PKNOX1: variants seen among roughly 807,000 people sequenced by gnomAD.
PKNOX1 encodes homeobox protein PKNOX1.
In PKNOX1, 15 loss-of-function variants were observed where a neutral mutation model predicts 51.9. That is an observed-to-expected ratio of 0.29 (90% CI 0.19 to 0.45). The LOEUF is 0.45. Ranked by LOEUF, PKNOX1 falls within the 20% of genes least tolerant of loss-of-function variation. The pLI is 1.00. For missense variants in PKNOX1, 462 were observed against 547.5 expected, an observed-to-expected ratio of 0.84 and a Z score of 1.56; for synonymous variants, 219 against 211.1, an observed-to-expected ratio of 1.04 and a Z score of -0.32.
Position 43,029,925 on chromosome 21 carries a change from A to T in PKNOX1, c.1135A>T (p.Asn379Tyr). 1 of 1,614,194 alleles carries T rather than the reference A, an allele frequency of 6.2e-7. No individual in the cohort carries two copies. The highest frequency in any genetic ancestry group is 8.5e-7 in the Non-Finnish European group (1 of 1,180,016). ...VVTITTPVNM[N>Y]VDSLQSLSSD... is the part of the protein sequence containing the mutation. Reference sequence around the variant, plus strand: ...CACCATCACCACGCCCGTGAACATGAACGTGGACAGCCTTCAGTCTCTGTC... The same window carrying T: ...CACCATCACCACGCCCGTGAACATGTACGTGGACAGCCTTCAGTCTCTGTC... Residue 379 changes from asparagine to tyrosine, a missense_variant, in exon 11 of 11, where the codon AAC (asparagine) becomes TAC (tyrosine). Physicochemically the swap from Asn to Tyr is moderately radical, Grantham distance 143. Coordinates refer to ENST00000291547, the MANE Select transcript of PKNOX1 (RefSeq NM_004571.5).
At chr21:42,987,822 G>A (rs1381545126) in intron 1 of PKNOX1, among the ~76,000 whole-genome samples, 2 of 151,874 alleles carry the variant, frequency 1.3e-5, no homozygotes. Flanking sequence ...GTTTCACCAT[G>A]TTAGCCAGGA....
At chr21:42,993,449 C>T (rs1468789854) in intron 1 of PKNOX1, among the ~76,000 whole-genome samples, 1 of 152,074 alleles carries the variant, frequency 6.6e-6, no homozygotes, top group Non-Finnish European at 1.5e-5. Flanking sequence ...GTTGACTGTT[C>T]CACCAGCACC....
intron 1 of PKNOX1, among the ~76,000 whole-genome samples, chr21:42,981,974 G>A (rs1036522675): frequency 6.6e-6 from 1 of 152,188 alleles, no homozygotes; most frequent in African/African-American, 2.4e-5. Flanking sequence ...AGGGCTCTTG[G>A]CCTTCCGCTT....
intron 1 of PKNOX1, among the ~76,000 whole-genome samples, chr21:42,985,676 T>C (rs1393449851): frequency 2.0e-5 from 3 of 151,820 alleles, no homozygotes; most frequent in Admixed American, 6.6e-5. Flanking sequence ...TTACCAGCTG[T>C]AACAGACCAT....
chr21:42,993,667 T>G (rs1008332894), intron 1 of PKNOX1, among the ~76,000 whole-genome samples: 1 of 133,794 alleles, frequency 7.5e-6, no homozygotes, highest in Non-Finnish European at 1.6e-5. Flanking sequence ...TTGTTTTTTT[T>G]TTTTTTTGCT....
intron 1 of PKNOX1, among the ~76,000 whole-genome samples, chr21:42,995,445 AG>A (rs1360785904): frequency 3.3e-5 from 5 of 152,012 alleles, no homozygotes; most frequent in African/African-American, 1.2e-4. Context: ...TGGGAGGCGG[AG>A]GTAGGAGGAC....
Position 43,028,848 on chromosome 21 carries a change from C to T in PKNOX1, c.1073C>T (p.Pro358Leu), listed in dbSNP as rs141136324. The change falls in exon 10 of 11, where the codon CCG becomes CTG. Residue 358 changes from proline to leucine, a missense_variant. Physicochemically the swap from Pro to Leu is moderately conservative, Grantham distance 98. Around this residue, in one of 5 missense-constraint regions of PKNOX1, gnomAD observed 118 missense variants for 116.8 expected, o/e 1.01. Transcript: ENST00000291547. ...ATTGCATCAGGAGTCGCACAGCCACCGCCGAGCGAGCTCACCATGTCGGAA... is the reference window on the plus strand; with the variant it reads ...ATTGCATCAGGAGTCGCACAGCCACTGCCGAGCGAGCTCACCATGTCGGAA... ...DSIASGVAQP[P>L]PSELTMSEGA... The T allele has an allele frequency of 1.5e-5, 24 of 1,614,146 alleles. No individual in the cohort carries two copies. Among genetic ancestry groups the T allele is most frequent in the East Asian group, 8.9e-5 (4 of 44,882 alleles).
chr21:43,017,277 T>C, intron 6 of PKNOX1: 1 of 253,606 alleles, frequency 3.9e-6, no homozygotes, highest in Non-Finnish European at 7.6e-6. Flanking sequence ...CAAAAACCAG[T>C]TGTCATTTTC....
At chr21:43,006,972 C>T (rs550029826) in intron 2 of PKNOX1, among the ~76,000 whole-genome samples, 2 of 152,270 alleles carry the variant, frequency 1.3e-5, no homozygotes, top group South Asian at 4.2e-4. Context: ...TCTTTTAAGG[C>T]TTTAAGTAAA....
At chr21:42,996,274 A>T (rs1601281068) in intron 1 of PKNOX1, among the ~76,000 whole-genome samples, 2 of 152,042 alleles carry the variant, frequency 1.3e-5, no homozygotes, top group African/African-American at 2.4e-5. Context: ...CTGCAATGGG[A>T]TTGTGTAGTG....
chr21:42,975,432 C>A lies in PKNOX1; in HGVS notation c.-57+768C>A, dbSNP rs1308258773. On this transcript the variant is annotated intron_variant, in intron 1 of 10. Transcript: ENST00000291547. ...CGTCCCGGGAATTGGTGGGAAGAGCCGCTTCTGTCACACGGGTCGTGGTAA... is the reference window on the plus strand; with the variant it reads ...CGTCCCGGGAATTGGTGGGAAGAGCAGCTTCTGTCACACGGGTCGTGGTAA... Among the ~76,000 whole-genome samples the A allele has an allele frequency of 2.0e-5, 3 of 152,266 alleles. No homozygotes were observed. The East Asian group carries it at 5.8e-4, about 29-fold the overall frequency.
Position 43,013,244 on chromosome 21 carries a change from T to C in PKNOX1, c.522+6T>C, listed in dbSNP as rs1979335847. The C allele has an allele frequency of 3.2e-6, 5 of 1,569,944 alleles. No homozygotes were observed. The highest frequency in any genetic ancestry group is 4.3e-6 in the Non-Finnish European group (5 of 1,154,842). ...ACTCACCAGTGCAGTCCCAGGTACT[T>C]ACATTTGGGGGTCTCGCTTTCCCTC... On this transcript the variant is annotated splice_donor_region_variant and intron_variant, in intron 5 of 10. Coordinates refer to ENST00000291547, the MANE Select transcript of PKNOX1 (RefSeq NM_004571.5).
At chr21:43,022,126 G>A (rs1179889354) in intron 8 of PKNOX1, among the ~76,000 whole-genome samples, 4 of 152,180 alleles carry the variant, frequency 2.6e-5, no homozygotes, top group Non-Finnish European at 5.9e-5. Context: ...GAAGGCAGAC[G>A]CCAGTTTGGC....
intron 1 of PKNOX1, among the ~76,000 whole-genome samples, chr21:42,981,644 G>C (rs1375839088): frequency 1.3e-5 from 2 of 152,024 alleles, no homozygotes; most frequent in African/African-American, 4.8e-5. Context: ...ACTGCAGCCG[G>C]GAGCTTCTGG....
chr21:42,981,741 G>A lies in PKNOX1; in HGVS notation c.-57+7077G>A, dbSNP rs117390421. 3.8e-3 allele frequency among the ~76,000 whole-genome samples: 577 copies of A among 152,240 alleles called. 1 individual carries two copies. The highest frequency in any genetic ancestry group is 6.5e-3 in the Non-Finnish European group (445 of 68,012). ...CACCCAGCTAATTGTACTGTTTGCC[G>A]TCTGCGATTGACGCTGGAATGATTG... On this transcript the variant is annotated intron_variant, in intron 1 of 10. Transcript: ENST00000291547.
chr21:43,024,641 G>T (rs549707620), intron 8 of PKNOX1: 13 of 491,428 alleles, frequency 2.6e-5, no homozygotes, highest in African/African-American at 1.2e-4. Context: ...CGTTAAACGT[G>T]GGGGGCGGTC....
chr21:42,999,840 A>G (rs1978669205), intron 1 of PKNOX1, among the ~76,000 whole-genome samples: 2 of 152,156 alleles, frequency 1.3e-5, no homozygotes, highest in African/African-American at 2.4e-5. Flanking sequence ...TTCTCTGCTT[A>G]CTTTATAAAA....
chr21:42,987,489 A>AT (rs2059060377), intron 1 of PKNOX1, among the ~76,000 whole-genome samples: 1 of 147,622 alleles, frequency 6.8e-6, no homozygotes, highest in African/African-American at 2.5e-5. Flanking sequence ...GTCTAGTAAG[A>AT]TTTTTTAAAA....
intron 1 of PKNOX1, among the ~76,000 whole-genome samples, chr21:42,977,919 A>G (rs2059005926): frequency 6.6e-6 from 1 of 152,092 alleles, no homozygotes; most frequent in African/African-American, 2.4e-5. Flanking sequence ...CTGGTTCTCG[A>G]TTAGGCTTCA....
Sources: allele counts gnomAD v4.1 joint callset (sites outside exome capture counted in the v4.1 genomes callset), GRCh38; gene constraint gnomAD v4.1.1; regional missense constraint gnomAD v4.1.1; transcripts MANE v1.5; gene names NCBI Gene and HGNC (gene_info 2026-07-23, HGNC 2026-07-21).